IRAK1BP1: variants seen among roughly 807,000 people sequenced by gnomAD.
IRAK1BP1 encodes the protein interleukin-1 receptor-associated kinase 1-binding protein 1.
A neutral mutation model predicts 28.0 loss-of-function variants in IRAK1BP1; 24 were observed. The ratio of observed to expected loss-of-function variants is 0.86; its 90% CI spans 0.62 to 1.20. The LOEUF (loss-of-function observed/expected upper bound fraction) is 1.20, where lower values mean the gene tolerates loss of function less well. IRAK1BP1 is among the 50% of genes most tolerant of loss of function. IRAK1BP1 has a pLI of 0.00. For synonymous variants in IRAK1BP1, 131 were observed against 116.3 expected, an observed-to-expected ratio of 1.13 and a Z score of -0.81; for missense variants, 336 against 316.7, an observed-to-expected ratio of 1.06 and a Z score of -0.46.
chr6:78,876,758 C>T (rs971111767), intron 1 of IRAK1BP1, among the ~76,000 whole-genome samples: 1 of 152,152 alleles, frequency 6.6e-6, no homozygotes, highest in African/African-American at 2.4e-5. Context: ...CACAGGGACA[C>T]TTGATCATCT....
chr6:78,911,348 C>G (rs929421111), intron 4 of IRAK1BP1, among the ~76,000 whole-genome samples: 7 of 152,170 alleles, frequency 4.6e-5, no homozygotes, highest in African/African-American at 7.2e-5. Context: ...TCCTCTGCCC[C>G]TTTCAAGGCA....
chr6:78,882,258 T>C (rs940035365), intron 1 of IRAK1BP1, among the ~76,000 whole-genome samples: 2 of 152,068 alleles, frequency 1.3e-5, no homozygotes, highest in Non-Finnish European at 2.9e-5. Flanking sequence ...AGGAAAGGGG[T>C]ATGTCAAACA....
chr6:78,910,088 G>T (rs879497870), intron 4 of IRAK1BP1, among the ~76,000 whole-genome samples: 1 of 152,110 alleles, frequency 6.6e-6, no homozygotes, highest in African/African-American at 2.4e-5. Context: ...GGAGTTTCAC[G>T]GGAGAGGAGG....
the IRAK1BP1 span, among the ~76,000 whole-genome samples, chr6:78,972,523 AC>A: frequency 6.6e-6 from 1 of 152,256 alleles, no homozygotes; most frequent in Non-Finnish European, 1.5e-5. Context: ...ACAAAGCTGG[AC>A]GCAGAATGAC....
intron 4 of IRAK1BP1, among the ~76,000 whole-genome samples, chr6:78,933,037 A>G (rs1249396367): frequency 3.3e-5 from 5 of 152,068 alleles, no homozygotes; most frequent in African/African-American, 7.2e-5. Context: ...TAGATTTAAT[A>G]TAATTCTTAA....
intron 1 of IRAK1BP1, among the ~76,000 whole-genome samples, chr6:78,872,860 G>C (rs761056296): frequency 1.1e-4 from 16 of 151,946 alleles, no homozygotes; most frequent in Non-Finnish European, 2.2e-4. Context: ...TTTATCATTT[G>C]AACTTAAACT....
intron 4 of IRAK1BP1, among the ~76,000 whole-genome samples, chr6:78,926,365 T>G (rs1186678025): frequency 6.6e-6 from 1 of 152,148 alleles, no homozygotes; most frequent in Non-Finnish European, 1.5e-5. Flanking sequence ...ACACATGCAC[T>G]TGTATTTTCA....
the IRAK1BP1 span, among the ~76,000 whole-genome samples, chr6:78,973,423 A>T: frequency 6.8e-6 from 1 of 147,546 alleles, no homozygotes; most frequent in African/African-American, 2.5e-5. Context: ...CTGCAAAATC[A>T]TGCCAAAATG....
chr6:78,876,550 C>CTTTCTCA (rs1254429168), intron 1 of IRAK1BP1, among the ~76,000 whole-genome samples: 1 of 152,198 alleles, frequency 6.6e-6, no homozygotes, highest in Admixed American at 6.5e-5. Context: ...TTATAGCAGG[C>CTTTCTCA]TTTCTCAATC....
chr6:78,968,069 A>G, the IRAK1BP1 span, among the ~76,000 whole-genome samples: 1 of 152,112 alleles, frequency 6.6e-6, no homozygotes, highest in East Asian at 1.9e-4. Context: ...TGGGAGGTGG[A>G]ACTTGCAGTG....
At chr6:78,904,726 T>C (rs1315101443), downstream of IRAK1BP1, among the ~76,000 whole-genome samples, 5 of 152,186 alleles carry the variant, frequency 3.3e-5, no homozygotes, top group Admixed American at 1.3e-4. Context: ...CAAAAGAAAT[T>C]GTTTAGTTTG....
At chr6:78,907,546 G>C (rs932195983), downstream of IRAK1BP1, among the ~76,000 whole-genome samples, 2 of 152,124 alleles carry the variant, frequency 1.3e-5, no homozygotes, top group African/African-American at 4.8e-5. Context: ...TGAAATTCCA[G>C]AGACCCATTT....
chr6:78,884,182 G>A (rs971939540), intron 1 of IRAK1BP1, among the ~76,000 whole-genome samples: 1 of 151,978 alleles, frequency 6.6e-6, no homozygotes, highest in Non-Finnish European at 1.5e-5. Flanking sequence ...TTTTAACTTA[G>A]GTTAAAACTT....
chr6:78,883,146 A>G (rs1044168440), intron 1 of IRAK1BP1, among the ~76,000 whole-genome samples: 1 of 152,064 alleles, frequency 6.6e-6, no homozygotes, highest in Non-Finnish European at 1.5e-5. Flanking sequence ...TTATCCTCCT[A>G]GCTACTCAGG....
chr6:78,881,795 T>C (rs1472395159), intron 1 of IRAK1BP1, among the ~76,000 whole-genome samples: 2 of 152,104 alleles, frequency 1.3e-5, no homozygotes, highest in Non-Finnish European at 2.9e-5. Flanking sequence ...ATGTATATAC[T>C]GGGGTTAAAC....
intron 4 of IRAK1BP1, among the ~76,000 whole-genome samples, chr6:78,911,441 G>C (rs932300173): frequency 6.6e-5 from 10 of 152,014 alleles, no homozygotes; most frequent in African/African-American, 2.4e-4. Flanking sequence ...CCCACATCTG[G>C]GATGTTACTC....
the IRAK1BP1 span, among the ~76,000 whole-genome samples, chr6:78,977,143 T>A: frequency 2.7e-5 from 4 of 145,808 alleles, no homozygotes; most frequent in Non-Finnish European, 6.0e-5. Flanking sequence ...CCAACAATGA[T>A]AGACTGGATT....
chr6:78,908,286 C>T (rs560865589), intron 4 of IRAK1BP1, among the ~76,000 whole-genome samples: 7 of 152,174 alleles, frequency 4.6e-5, no homozygotes, highest in Admixed American at 2.0e-4. Context: ...CTCCTAACCT[C>T]GTGATCCACC....
chr6:78,913,714 G>A (rs1234893748), intron 4 of IRAK1BP1, among the ~76,000 whole-genome samples: 2 of 152,166 alleles, frequency 1.3e-5, no homozygotes, highest in Non-Finnish European at 2.9e-5. Flanking sequence ...AGTGATGAGA[G>A]TGAACTAATT....
Sources: gnomAD v4.1 joint callset for allele counts (sites outside exome capture counted in the v4.1 genomes callset) on GRCh38, gnomAD v4.1.1 for gene constraint, MANE v1.5 for transcripts, NCBI Gene and HGNC (gene_info 2026-07-23, HGNC 2026-07-21) for gene names.